The following RAD51B variants were observed in gnomAD, a reference collection of about 807,000 sequenced individuals.
RAD51B encodes DNA repair protein RAD51 homolog 2.
RAD51B carries 38 observed loss-of-function variants against 42.2 expected under a neutral mutation model. The observed-to-expected ratio is 0.90, with a 90% CI of 0.70 to 1.18. RAD51B has a LOEUF of 1.18. Among genes scored for constraint, RAD51B ranks in the 50% most tolerant of loss-of-function variants. RAD51B has a pLI of 0.00. For synonymous variants in RAD51B, 154 were observed against 145.2 expected (o/e 1.06, Z -0.43); for missense variants, 373 against 400.7 (o/e 0.93, Z 0.59).
chr14:68,662,221 G>A (rs1026880080), intron 11 of RAD51B, among the ~76,000 whole-genome samples: 1 of 152,150 alleles, frequency 6.6e-6, no homozygotes, highest in African/African-American at 2.4e-5. Context: ...GTTGATTCAC[G>A]TCGACTTTAC....
intron 11 of RAD51B, among the ~76,000 whole-genome samples, chr14:68,656,621 T>C (rs1892820911): frequency 6.6e-6 from 1 of 152,116 alleles, no homozygotes; most frequent in South Asian, 2.1e-4. Flanking sequence ...GGCCCAGAGC[T>C]CGCTCTCAGG....
intron 7 of RAD51B, among the ~76,000 whole-genome samples, chr14:67,936,287 T>C (rs1399379228): frequency 1.3e-5 from 2 of 152,194 alleles, no homozygotes; most frequent in African/African-American, 4.8e-5. Flanking sequence ...TGGAAATCTC[T>C]ATTTGCTATC....
chr14:68,357,801 A>G (rs1181474211), intron 8 of RAD51B, among the ~76,000 whole-genome samples: 2 of 152,102 alleles, frequency 1.3e-5, no homozygotes, highest in Non-Finnish European at 2.9e-5. Flanking sequence ...CCATGCTACA[A>G]ACAGATGTGC....
intron 7 of RAD51B, among the ~76,000 whole-genome samples, chr14:68,027,499 A>T (rs867459793): frequency 6.6e-6 from 1 of 151,658 alleles, no homozygotes; most frequent in South Asian, 2.1e-4. Flanking sequence ...ATCTCTTTAC[A>T]TGCGCTCATA....
At chr14:68,067,621 G>A (rs372892758) in intron 7 of RAD51B, among the ~76,000 whole-genome samples, 9 of 152,044 alleles carry the variant, frequency 5.9e-5, no homozygotes, top group African/African-American at 9.7e-5. Flanking sequence ...CTCAAGGTTC[G>A]TACTATTCAG....
chr14:68,119,526 G>T (rs1233968051), intron 7 of RAD51B, among the ~76,000 whole-genome samples: 3 of 135,952 alleles, frequency 2.2e-5, no homozygotes, highest in African/African-American at 8.4e-5. Context: ...TGTCCATGTG[G>T]TCTCATTGTT....
chr14:68,082,937 T>C (rs926627317), intron 7 of RAD51B, among the ~76,000 whole-genome samples: 9 of 152,152 alleles, frequency 5.9e-5, no homozygotes, highest in African/African-American at 2.2e-4. Flanking sequence ...TGTCTAATAA[T>C]AGTCTCTTTC....
intron 9 of RAD51B, among the ~76,000 whole-genome samples, chr14:68,419,992 A>G (rs1423509904): frequency 1.3e-5 from 2 of 152,148 alleles, no homozygotes; most frequent in Admixed American, 6.5e-5. Flanking sequence ...TTTACTGAGT[A>G]CCTATGAGTT....
chr14:68,298,875 C>G (rs1038316412), intron 8 of RAD51B, among the ~76,000 whole-genome samples: 3 of 152,072 alleles, frequency 2.0e-5, no homozygotes, highest in Non-Finnish European at 4.4e-5. Context: ...AGGGGTGGTG[C>G]CCAACGATTA....
At chr14:68,430,427 C>G (rs941239132) in intron 9 of RAD51B, among the ~76,000 whole-genome samples, 15 of 151,974 alleles carry the variant, frequency 9.9e-5, no homozygotes, top group South Asian at 2.1e-4. Flanking sequence ...ATTTCATTGA[C>G]CAGTGGTTTG....
At chr14:68,666,379 TAAAA>T in intron 11 of RAD51B, among the ~76,000 whole-genome samples, 1 of 152,330 alleles carries the variant, frequency 6.6e-6, no homozygotes, top group South Asian at 2.1e-4. Context: ...AGCTATTGTT[TAAAA>T]ATACATTCCT....
At chr14:68,127,240 A>G (rs1215726961) in intron 7 of RAD51B, among the ~76,000 whole-genome samples, 1 of 152,142 alleles carries the variant, frequency 6.6e-6, no homozygotes, top group African/African-American at 2.4e-5. Context: ...GAATGTAGCT[A>G]TAGATCAGGC....
chr14:68,235,365 G>A (rs1240985228), intron 7 of RAD51B, among the ~76,000 whole-genome samples: 2 of 151,782 alleles, frequency 1.3e-5, no homozygotes, highest in Non-Finnish European at 2.9e-5. Context: ...AGAGGAGGGG[G>A]CCAAGGACAG....
chr14:68,648,155 G>GTA (rs368723351), intron 10 of RAD51B, among the ~76,000 whole-genome samples: 3,174 of 102,398 alleles, frequency 0.031, 106 homozygotes, highest in Middle Eastern at 0.075. Context: ...ATACACACAC[G>GTA]TATATATATA....
intron 7 of RAD51B, among the ~76,000 whole-genome samples, chr14:68,027,239 A>C (rs893957819): frequency 6.6e-6 from 1 of 152,050 alleles, no homozygotes; most frequent in Non-Finnish European, 1.5e-5. Context: ...CTGTCTGTAC[A>C]TGACCTGACC....
chr14:68,144,894 T>A (rs903422128), intron 7 of RAD51B, among the ~76,000 whole-genome samples: 31 of 152,228 alleles, frequency 2.0e-4, no homozygotes, highest in African/African-American at 7.5e-4. Flanking sequence ...TTTTTATTCA[T>A]ATTGGGAAGA....
At position 68,389,380 on chromosome 14, in the gene RAD51B, T is replaced by C. The variant is rs539939977; in HGVS notation, c.854-22044T>C. Among the ~76,000 whole-genome samples the C allele has an allele frequency of 3.2e-4, 49 of 152,174 alleles. No homozygotes were observed. The East Asian group carries it at 8.9e-3, about 28-fold the overall frequency. ...TTTGAACTTTATATAAATGGAGTCA[T>C]ATAGCAGGTTCTCTTTGGTACTATT... is the stretch of plus-strand genomic sequence containing the variant. On this transcript the variant is annotated intron_variant, in intron 8 of 10. Coordinates refer to ENST00000471583, the MANE Select transcript of RAD51B (RefSeq NM_133510.4).
intron 8 of RAD51B, among the ~76,000 whole-genome samples, chr14:68,372,207 A>G (rs541783057): frequency 6.6e-6 from 1 of 152,288 alleles, no homozygotes; most frequent in South Asian, 2.1e-4. Flanking sequence ...GGTGACCTTG[A>G]CAAGAGTGAT....
chr14:67,887,109 G>A lies in RAD51B; in HGVS notation c.661G>A (p.Asp221Asn), dbSNP rs1437938223. The A allele has an allele frequency of 1.9e-6, 3 of 1,601,926 alleles. No individual in the cohort carries two copies. The highest frequency in any genetic ancestry group is 2.6e-6 in the Non-Finnish European group (3 of 1,169,880). ...TGCTTCTGTGGTCAGAAAGGAGTTTGATGCACAACTTCAAGGCAATCTCAA... is the reference window on the plus strand; with the variant it reads ...TGCTTCTGTGGTCAGAAAGGAGTTTAATGCACAACTTCAAGGCAATCTCAA... ...SVASVVRKEF[D>N]AQLQGNLKER... The change falls in exon 7 of 11, where the codon GAT becomes AAT. Residue 221 changes from aspartate (D) to asparagine (N), a missense_variant. Coordinates refer to ENST00000471583, the MANE Select transcript of RAD51B (RefSeq NM_133510.4).
Sources: allele counts gnomAD v4.1 joint callset (sites outside exome capture counted in the v4.1 genomes callset), GRCh38; gene constraint gnomAD v4.1.1; transcripts MANE v1.5; gene names NCBI Gene and HGNC (gene_info 2026-07-23, HGNC 2026-07-21).